Variants in ROBO2 observed in about 807,000 individuals in gnomAD.
ROBO2 encodes the protein roundabout homolog 2.
In ROBO2, 53 loss-of-function variants were observed where a neutral mutation model predicts 160.8. The observed-to-expected ratio is 0.33, with a 90% CI of 0.26 to 0.41. The LOEUF (loss-of-function observed/expected upper bound fraction) is 0.41, where lower values mean the gene tolerates loss of function less well. Ranked by LOEUF, ROBO2 falls within the 10% of genes least tolerant of loss-of-function variation. The pLI, the probability that ROBO2 is intolerant of heterozygous loss-of-function variation, is 1.00. For missense variants in ROBO2, 1,577 were observed against 1,722.4 expected (o/e 0.92, Z 1.49); for synonymous variants, 664 against 611.7 (o/e 1.09, Z -1.26).
intron 2 of ROBO2, among the ~76,000 whole-genome samples, chr3:77,164,128 G>A (rs979810350): frequency 6.6e-6 from 1 of 152,110 alleles, no homozygotes; most frequent in African/African-American, 2.4e-5. Context: ...TGTAACCATT[G>A]GTGGAAACTA....
intron 2 of ROBO2, among the ~76,000 whole-genome samples, chr3:76,836,464 A>G (rs1242390085): frequency 1.3e-5 from 2 of 151,396 alleles, no homozygotes; most frequent in Non-Finnish European, 3.0e-5. Context: ...CTTGAATTAA[A>G]AAAAGACTTT....
intron 21 of ROBO2, among the ~76,000 whole-genome samples, chr3:77,608,524 G>C (rs2094568043): frequency 6.6e-6 from 1 of 152,022 alleles, no homozygotes; most frequent in East Asian, 1.9e-4. Context: ...TTTCTTCGAG[G>C]GTCTTTAAAT....
intron 2 of ROBO2, among the ~76,000 whole-genome samples, chr3:76,244,167 C>T (rs187885917): frequency 6.6e-6 from 1 of 152,272 alleles, no homozygotes; most frequent in East Asian, 1.9e-4. Flanking sequence ...TAGAGAGATT[C>T]AATGTACACA....
chr3:76,399,857 C>A (rs1274180970), intron 2 of ROBO2, among the ~76,000 whole-genome samples: 3 of 151,636 alleles, frequency 2.0e-5, no homozygotes, highest in Non-Finnish European at 3.0e-5. Context: ...AAAAACTAGG[C>A]TCATAGTATT....
intron 2 of ROBO2, among the ~76,000 whole-genome samples, chr3:76,908,557 C>T (rs2075767857): frequency 6.6e-6 from 1 of 152,094 alleles, no homozygotes; most frequent in Admixed American, 6.5e-5. Flanking sequence ...TGTCTTTTTT[C>T]CTGCAGCCCT....
At chr3:76,933,894 T>C (rs1188721636) in intron 2 of ROBO2, among the ~76,000 whole-genome samples, 1 of 152,238 alleles carries the variant, frequency 6.6e-6, no homozygotes, top group African/African-American at 2.4e-5. Context: ...AAGACACAAT[T>C]CTGTCTCTTC....
At chr3:76,072,885 A>G (rs1306000156) in intron 2 of ROBO2, among the ~76,000 whole-genome samples, 1 of 152,224 alleles carries the variant, frequency 6.6e-6, no homozygotes, top group African/African-American at 2.4e-5. Context: ...TTCTCTGCCT[A>G]TTCAGACCTC....
intron 2 of ROBO2, among the ~76,000 whole-genome samples, chr3:76,924,784 C>T (rs1486378939): frequency 6.6e-6 from 1 of 152,216 alleles, no homozygotes; most frequent in Non-Finnish European, 1.5e-5. Flanking sequence ...TGGTATGTCC[C>T]TTCTGACACC....
At chr3:77,085,286 A>G (rs1229717050) in intron 1 of ROBO2, among the ~76,000 whole-genome samples, 1 of 152,160 alleles carries the variant, frequency 6.6e-6, no homozygotes, top group East Asian at 1.9e-4. Context: ...TGCATTGCAT[A>G]AAGTGAAGGC....
chr3:77,410,635 C>CCTCCTT (rs1240917120), intron 2 of ROBO2, among the ~76,000 whole-genome samples: 1 of 137,132 alleles, frequency 7.3e-6, no homozygotes, highest in Admixed American at 7.2e-5. Flanking sequence ...TCCTCTTCCT[C>CCTCCTT]CTGCTCCTCT....
Position 77,646,246 on chromosome 3 carries a change from C to T in ROBO2, c.*191C>T, listed in dbSNP as rs565828250. The T allele has an allele frequency of 3.4e-4, 145 of 429,466 alleles. 1 individual carries two copies. The East Asian group carries it at 4.9e-3, about 14-fold the overall frequency. The allele number at this position is 429,466 out of a possible 1,614,324, so 26.6% of individuals were successfully genotyped here. On this transcript the variant is annotated 3_prime_UTR_variant, in exon 26 of 26. Transcript: ENST00000461745. ...TTGTGTTCTTCTCTTAAGTACACCA[C>T]CCACCTTAACTCTTTCTTGTCAGGA... is the stretch of plus-strand genomic sequence containing the variant.
At chr3:77,039,085 A>G (rs556077605), upstream of ROBO2, among the ~76,000 whole-genome samples, 186 of 152,334 alleles carry the variant, frequency 1.2e-3, 2 homozygotes, top group African/African-American at 4.2e-3. Flanking sequence ...ACTGAGTAAC[A>G]TAAGAGGGGC....
intron 2 of ROBO2, among the ~76,000 whole-genome samples, chr3:77,413,005 C>G (rs1259274831): frequency 6.6e-6 from 1 of 152,076 alleles, no homozygotes; most frequent in African/African-American, 2.4e-5. Flanking sequence ...TAGCTTGGGT[C>G]CAGCCAGCCT....
At chr3:76,953,520 G>A (rs903138763) in intron 2 of ROBO2, among the ~76,000 whole-genome samples, 5 of 152,040 alleles carry the variant, frequency 3.3e-5, no homozygotes, top group African/African-American at 9.7e-5. Flanking sequence ...CTATACATTC[G>A]AGGACCCCAA....
chr3:77,533,282 C>A (rs1392493113), intron 6 of ROBO2, among the ~76,000 whole-genome samples: 1 of 152,090 alleles, frequency 6.6e-6, no homozygotes, highest in Non-Finnish European at 1.5e-5. Context: ...ATACTCCCTG[C>A]TTCATAATAA....
chr3:76,040,551 G>C (rs2067245432), intron 2 of ROBO2, among the ~76,000 whole-genome samples: 1 of 151,864 alleles, frequency 6.6e-6, no homozygotes, highest in Admixed American at 6.6e-5. Context: ...AAATTTCCCT[G>C]ATAATTTTAT....
chr3:76,434,875 C>A, intron 2 of ROBO2: 9 of 1,586,816 alleles, frequency 5.7e-6, no homozygotes, highest in Non-Finnish European at 7.8e-6. Flanking sequence ...CAGAGTGGTC[C>A]AGTATGCAGT....
chr3:76,911,651 A>G (rs2075998012), intron 2 of ROBO2, among the ~76,000 whole-genome samples: 1 of 152,198 alleles, frequency 6.6e-6, no homozygotes, highest in African/African-American at 2.4e-5. Context: ...GATACATGCT[A>G]TTACTATCTC....
At chr3:76,170,402 A>G (rs1341922588) in intron 2 of ROBO2, among the ~76,000 whole-genome samples, 1 of 152,212 alleles carries the variant, frequency 6.6e-6, no homozygotes, top group East Asian at 1.9e-4. Context: ...AGGCCACTTA[A>G]TATTAAATGT....
Sources: allele counts gnomAD v4.1 joint callset (sites outside exome capture counted in the v4.1 genomes callset), GRCh38; gene constraint gnomAD v4.1.1; transcripts MANE v1.5; gene names NCBI Gene and HGNC (gene_info 2026-07-23, HGNC 2026-07-21).